The following FARP2 variants were observed in gnomAD, a reference collection of about 807,000 sequenced individuals.
The protein encoded by FARP2 is FERM, ARH/RhoGEF and pleckstrin domain protein 2, also known as FERM, ARHGEF and pleckstrin domain-containing protein 2.
A neutral mutation model predicts 130.5 loss-of-function variants in FARP2; 111 were observed. The ratio of observed to expected loss-of-function variants is 0.85; its 90% CI spans 0.73 to 1.00. The LOEUF (loss-of-function observed/expected upper bound fraction) is 1.00. Ranked by LOEUF, FARP2 falls within the 50% of genes least tolerant of loss-of-function variation. FARP2 has a pLI of 0.00. For synonymous variants in FARP2, 504 were observed against 516.9 expected, an observed-to-expected ratio of 0.98 and a Z score of 0.34; for missense variants, 1,385 against 1,346.3, an observed-to-expected ratio of 1.03 and a Z score of -0.45.
Position 241,413,429 on chromosome 2 carries a change from A to G in FARP2, c.623+8A>G. On this transcript the variant is annotated splice_region_variant and intron_variant, in intron 7 of 26. Coordinates refer to ENST00000264042, the MANE Select transcript of FARP2 (RefSeq NM_014808.4). The stretch of plus-strand genomic sequence containing the variant: ...ATTCCATCAGAAGCACGTGTAAGTC[A>G]TCACAATTGTCTGTCAACACATTGT... 2 of 1,564,908 alleles carry G rather than the reference A, an allele frequency of 1.3e-6. No individual in the cohort carries two copies. Among genetic ancestry groups the G allele is most frequent in the Non-Finnish European group, 1.8e-6 (2 of 1,139,160 alleles).
chr2:241,452,097 G>T (rs2063674732), intron 13 of FARP2, among the ~76,000 whole-genome samples: 1 of 152,184 alleles, frequency 6.6e-6, no homozygotes, highest in Non-Finnish European at 1.5e-5. Flanking sequence ...GTGTCAAAAA[G>T]ATTTTCTAAG....
chr2:241,454,809 G>A (rs564459558), intron 13 of FARP2, among the ~76,000 whole-genome samples: 2 of 152,324 alleles, frequency 1.3e-5, no homozygotes, highest in African/African-American at 4.8e-5. Flanking sequence ...AGCAATGAAT[G>A]TTTCCTTGTG....
At chr2:241,477,830 T>C (rs1185186556) in intron 19 of FARP2, 1 of 152,680 alleles carries the variant, frequency 6.5e-6, no homozygotes, top group Non-Finnish European at 1.5e-5. Flanking sequence ...CATCTTTTCA[T>C]GTGCTTATTG....
Position 241,465,700 on chromosome 2 carries a change from G to A in FARP2, c.1893+1720G>A, listed in dbSNP as rs532342874. 2.0e-5 allele frequency: 31 copies of A among 1,550,732 alleles called. No homozygotes were observed. The Middle Eastern group carries it at 8.3e-4, about 42-fold the overall frequency. ...CTGCTCATGAGTTCACCACGTGACC[G>A]CCCAAGGTGTGGAGCTCTGCATAAC... On this transcript the variant is annotated intron_variant, in intron 17 of 26. Transcript: ENST00000264042.
Position 241,436,533 on chromosome 2 carries a change from A to G in FARP2, c.1153A>G (p.Lys385Glu). Residue 385 changes from lysine (K) to glutamate (E), a missense_variant, in exon 12 of 27, where the codon AAA (lysine) becomes GAA (glutamate). Transcript: ENST00000264042. ...SVRALTADLP[K>E]QSISFPEGLR... The stretch of plus-strand genomic sequence containing the variant: ...TCGAGCTCTGACTGCAGACCTACCA[A>G]AACAGGTTAGTCTCTTCCGGTTCAA... 1 of 1,614,084 alleles carries G rather than the reference A, an allele frequency of 6.2e-7. No individual in the cohort carries two copies. The highest frequency in any genetic ancestry group is 8.5e-7 in the Non-Finnish European group (1 of 1,179,912).
intron 19 of FARP2, among the ~76,000 whole-genome samples, chr2:241,476,436 C>T (rs928837921): frequency 1.3e-5 from 2 of 152,042 alleles, no homozygotes; most frequent in Non-Finnish European, 2.9e-5. Context: ...GCCTGTAATC[C>T]CAGCACTTTG....
chr2:241,489,883 G>A (rs918877413), intron 21 of FARP2, 79 bp from the exon 22 acceptor site: 7 of 954,866 alleles, frequency 7.3e-6, no homozygotes, highest in Middle Eastern at 2.1e-4. Context: ...ATTGCCAGCA[G>A]TCACCTTGTG....
chr2:241,479,297 G>C (rs2064555350), intron 19 of FARP2, among the ~76,000 whole-genome samples: 2 of 152,228 alleles, frequency 1.3e-5, no homozygotes, highest in Non-Finnish European at 2.9e-5. Context: ...GTAAAGGACA[G>C]AGTTCTTGGT....
intron 21 of FARP2, among the ~76,000 whole-genome samples, chr2:241,484,562 C>T (rs2064705738): frequency 6.6e-6 from 1 of 152,190 alleles, no homozygotes; most frequent in African/African-American, 2.4e-5. Flanking sequence ...GTCCATGGTT[C>T]CCTTCTAGGG....
intron 24 of FARP2, 96 bp downstream of exon 24, chr2:241,491,775 A>C: frequency 1.5e-6 from 2 of 1,290,822 alleles, no homozygotes; most frequent in Non-Finnish European, 2.1e-6. Flanking sequence ...GGGTACCAGC[A>C]GGCAGGCTTG....
At position 241,491,579 on chromosome 2, in the gene FARP2, C is replaced by T. The variant is rs75022667; in HGVS notation, c.2687C>T (p.Ser896Phe). 0.016 allele frequency: 26,299 copies of T among 1,613,774 alleles called. 3,586 individuals carry two copies. The Admixed American group carries it at 0.29, about 18-fold the overall frequency. Reference sequence around the variant, plus strand: ...GATGATGCTCGGGGTGTCCGCAGCTCCCTGGAGGGGCATGGCCAGCACCGG... The same window carrying T: ...GATGATGCTCGGGGTGTCCGCAGCTTCCTGGAGGGGCATGGCCAGCACCGG... Reference protein sequence around the residue: ...SEDDARGVRSSLEGHGQHRAN... With the variant: ...SEDDARGVRSFLEGHGQHRAN... Residue 896 changes from serine (S) to phenylalanine (F), a missense_variant, in exon 24 of 27, where the codon TCC (serine) becomes TTC (phenylalanine). Physicochemically the swap from Ser to Phe is radical, Grantham distance 155 (BLOSUM62 -2). Coordinates refer to ENST00000264042, the MANE Select transcript of FARP2 (RefSeq NM_014808.4).
At chr2:241,464,863 T>G (rs1232851160) in intron 17 of FARP2, among the ~76,000 whole-genome samples, 1 of 152,074 alleles carries the variant, frequency 6.6e-6, no homozygotes, top group African/African-American at 2.4e-5. Flanking sequence ...GAAAAGAGTC[T>G]GGCTCAGGGC....
intron 23 of FARP2, 59 bp from the exon 24 acceptor site, chr2:241,491,457 T>C: frequency 1.3e-6 from 2 of 1,586,892 alleles, no homozygotes; most frequent in Non-Finnish European, 1.7e-6. Flanking sequence ...GGGGTGGAAG[T>C]ATTTGGCAAG....
intron 18 of FARP2, among the ~76,000 whole-genome samples, chr2:241,473,486 T>G (rs1385452357): frequency 6.6e-6 from 1 of 152,078 alleles, no homozygotes; most frequent in Non-Finnish European, 1.5e-5. Flanking sequence ...GCAGGTCAGG[T>G]GATGTATAGG....
intron 3 of FARP2, among the ~76,000 whole-genome samples, chr2:241,404,352 T>C (rs1249906150): frequency 6.6e-6 from 1 of 152,244 alleles, no homozygotes; most frequent in Non-Finnish European, 1.5e-5. Context: ...GTCAGCGTTA[T>C]TAAGTTCTGT....
chr2:241,431,603 T>G (rs775451374), intron 8 of FARP2, 76 bp from the exon 9 acceptor site: 26 of 756,436 alleles, frequency 3.4e-5, no homozygotes, highest in African/African-American at 5.4e-5. Context: ...AGGATGTAAT[T>G]TAAGCATTCC....
rs1333747179 is a variant in FARP2 at position 241,486,456 on chromosome 2, C to T, written c.2421+2125C>T. On this transcript the variant is annotated intron_variant, in intron 21 of 26. Transcript: ENST00000264042. Reference sequence around the variant, plus strand: ...CAGCCCCAGTGACAGAGTGAGACCTCGTCTCAAAAAAAAAAAAAAAAAAAA... The same window carrying T: ...CAGCCCCAGTGACAGAGTGAGACCTTGTCTCAAAAAAAAAAAAAAAAAAAA... 4.1e-4 allele frequency among the ~76,000 whole-genome samples: 31 copies of T among 75,040 alleles called. 1 individual carries two copies. The highest frequency in any genetic ancestry group is 3.2e-3 in the Admixed American group (18 of 5,698). 49.2% of individuals were successfully genotyped at this position (75,040 alleles called of 152,430 possible).
chr2:241,370,178 A>G (rs932851974), intron 1 of FARP2, among the ~76,000 whole-genome samples: 1 of 152,172 alleles, frequency 6.6e-6, no homozygotes, highest in Non-Finnish European at 1.5e-5. Flanking sequence ...GGAGGAGTGG[A>G]TTTGGAATGT....
At chr2:241,410,433 C>CTT (rs11369953) in intron 5 of FARP2, among the ~76,000 whole-genome samples, 133 of 143,506 alleles carry the variant, frequency 9.3e-4, no homozygotes, top group Middle Eastern at 3.6e-3. Context: ...TAATTTCTTT[C>CTT]TTTTTTTTTT....
Sources: allele counts gnomAD v4.1 joint callset (sites outside exome capture counted in the v4.1 genomes callset), GRCh38; gene constraint gnomAD v4.1.1; transcripts MANE v1.5; gene names NCBI Gene and HGNC (gene_info 2026-07-23, HGNC 2026-07-21).